GHRHR: variants seen among roughly 807,000 people sequenced by gnomAD.
GHRHR encodes the protein growth hormone-releasing hormone receptor.
A neutral mutation model predicts 58.3 loss-of-function variants in GHRHR; 40 were observed. The observed-to-expected ratio is 0.69, with a 90% CI of 0.53 to 0.89. The LOEUF (loss-of-function observed/expected upper bound fraction) is 0.89. Ranked by LOEUF, GHRHR falls within the 40% of genes least tolerant of loss-of-function variation. GHRHR has a pLI of 0.00. For synonymous variants in GHRHR, 249 were observed against 216.6 expected (o/e 1.15, Z -1.31); for missense variants, 551 against 541.3 (o/e 1.02, Z -0.18).
At chr7:30,974,251 C>G in intron 7 of GHRHR, 113 bp downstream of exon 7, 1 of 1,258,782 alleles carries the variant, frequency 7.9e-7, no homozygotes, top group South Asian at 1.2e-5. Flanking sequence ...AGGAGAGGGA[C>G]AGGCCACAGT....
chr7:30,971,361 AC>A (rs1395680450), intron 5 of GHRHR, 145 bp downstream of exon 5: 1 of 693,212 alleles, frequency 1.4e-6, no homozygotes, highest in African/African-American at 1.8e-5. Flanking sequence ...CCTTTTCCCC[AC>A]CATGTAGACC....
Position 30,968,948 on chromosome 7 carries a change from A to C in GHRHR, c.160+12A>C. On this transcript the variant is annotated intron_variant, in intron 2 of 12. Transcript: ENST00000326139. ...CAACACCACCCTGGGTATGGGGCCTAGGAGGCAGGTGGTGGCTTCTCTGAT... is the reference window on the plus strand; with the variant it reads ...CAACACCACCCTGGGTATGGGGCCTCGGAGGCAGGTGGTGGCTTCTCTGAT... 6.3e-7 allele frequency: 1 copy of C among 1,596,570 alleles called. No homozygotes were observed. Among genetic ancestry groups the C allele is most frequent in the Non-Finnish European group, 8.6e-7 (1 of 1,164,178 alleles).
Position 30,975,853 on chromosome 7 carries a change from C to G in GHRHR, c.959C>G (p.Thr320Ser). 3 of 1,595,240 alleles carry G rather than the reference C, an allele frequency of 1.9e-6. No homozygotes were observed. The highest frequency in any genetic ancestry group is 2.6e-6 in the Non-Finnish European group (3 of 1,162,750). ...KLEPAQGSLH[T>S]QSQYWRLSKS... The stretch of plus-strand genomic sequence containing the variant: ...GAGCCAGCTCAGGGCAGCCTCCATA[C>G]CCAGTCTCAGTATTGGTACTGTGTG... The change falls in exon 10 of 13, where the codon ACC (threonine) becomes AGC (serine). Residue 320 changes from threonine to serine, a missense_variant. Physicochemically the swap from Thr to Ser is moderately conservative, Grantham distance 58 (BLOSUM62 1). Transcript: ENST00000326139.
Position 30,977,306 on chromosome 7 carries a change from G to A in GHRHR, c.1130G>A (p.Cys377Tyr), listed in dbSNP as rs757160765. 8 of 1,614,000 alleles carry A rather than the reference G, an allele frequency of 5.0e-6. No individual in the cohort carries two copies. The highest frequency in any genetic ancestry group is 6.8e-6 in the Non-Finnish European group (8 of 1,179,948). The change falls in exon 12 of 13, where the codon TGC becomes TAC. Residue 377 changes from cysteine (C) to tyrosine (Y), a missense_variant. Transcript: ENST00000326139. ...FQGFIVAILY[C>Y]FLNQEVRTEI... Reference sequence around the variant, plus strand: ...GGCTTCATTGTTGCCATCCTCTACTGCTTCCTCAACCAAGAGGTGTGTGAT... The same window carrying A: ...GGCTTCATTGTTGCCATCCTCTACTACTTCCTCAACCAAGAGGTGTGTGAT...
Position 30,964,084 on chromosome 7 carries a change from TG to T in GHRHR, c.22del (p.Ala8ProfsTer7). 1 of 1,550,580 alleles carries T rather than the reference TG, an allele frequency of 6.4e-7. No individual in the cohort carries two copies. The highest frequency in any genetic ancestry group is 8.7e-7 in the Non-Finnish European group (1 of 1,146,964). Reference protein sequence around the residue: MDRRMWGAHVFCVLSP... With the variant: MDRRMXGAHVFCVLSP... Reference sequence around the variant, plus strand: ...TGGGCTCACCATGGACCGCCGGATGTGGGGGGCCCACGTCTTCTGCGTGTTG... The same window carrying T: ...TGGGCTCACCATGGACCGCCGGATGTGGGGGCCCACGTCTTCTGCGTGTTG... On this transcript the variant is annotated frameshift_variant, in exon 1 of 13. Coordinates refer to ENST00000326139, the MANE Select transcript of GHRHR (RefSeq NM_000823.4). LOFTEE classifies it high-confidence loss of function.
In GHRHR at chr7:30,976,512, G is replaced by T. The variant is rs770409961; in HGVS notation, c.1058G>T (p.Gly353Val). The T allele has an allele frequency of 1.2e-6, 2 of 1,613,510 alleles. No individual in the cohort carries two copies. Among genetic ancestry groups the T allele is most frequent in the African/African-American group, 1.3e-5 (1 of 74,898 alleles). ...TTCAACTTCCTGCCAGACAATGCTGGCCTGGGCATCCGCCTCCCCCTGGAG... is the reference window on the plus strand; with the variant it reads ...TTCAACTTCCTGCCAGACAATGCTGTCCTGGGCATCCGCCTCCCCCTGGAG... ...IIFNFLPDNA[G>V]LGIRLPLELG... Residue 353 changes from glycine to valine, a missense_variant, in exon 11 of 13, where the codon GGC (glycine) becomes GTC (valine). By Grantham distance (109) the Gly-to-Val change is moderately radical. Coordinates refer to ENST00000326139, the MANE Select transcript of GHRHR (RefSeq NM_000823.4).
At chr7:30,969,616 C>T (rs1420159191) in intron 3 of GHRHR, 6 of 610,544 alleles carry the variant, frequency 9.8e-6, no homozygotes, top group Non-Finnish European at 1.7e-5. Flanking sequence ...CAGCTCACCA[C>T]TCCTCACCCC....
intron 1 of GHRHR, among the ~76,000 whole-genome samples, chr7:30,965,525 C>T (rs2128596405): frequency 6.6e-6 from 1 of 152,340 alleles, no homozygotes; most frequent in Non-Finnish European, 1.5e-5. Flanking sequence ...CCCACCACTT[C>T]CCTCCCTAGA....
intron 10 of GHRHR, among the ~76,000 whole-genome samples, chr7:30,976,178 G>T (rs1374098328): frequency 6.6e-6 from 1 of 152,104 alleles, no homozygotes; most frequent in East Asian, 1.9e-4. Flanking sequence ...TGGAGGAAGT[G>T]GTTTTGATCC....
chr7:30,965,283 G>A (rs1418702442), intron 1 of GHRHR, among the ~76,000 whole-genome samples: 1 of 152,180 alleles, frequency 6.6e-6, no homozygotes, highest in African/African-American at 2.4e-5. Context: ...TAGTACCAAA[G>A]CTAGAACTCA....
At chr7:30,975,128 C>T in intron 9 of GHRHR, 88 bp downstream of exon 9, 2 of 914,146 alleles carry the variant, frequency 2.2e-6, no homozygotes, top group South Asian at 2.6e-5. Context: ...AATGCAACTC[C>T]AGGCTGGGTG....
chr7:30,975,224 G>T (rs1423591626), intron 9 of GHRHR, among the ~76,000 whole-genome samples, 184 bp downstream of exon 9: 1 of 152,186 alleles, frequency 6.6e-6, no homozygotes, highest in Non-Finnish European at 1.5e-5. Flanking sequence ...GGTAAAACTA[G>T]AGGGGTGGTG....
In GHRHR at chr7:30,972,058, T is replaced by A; in HGVS notation, c.560T>A (p.Phe187Tyr). 6.2e-7 allele frequency: 1 copy of A among 1,614,062 alleles called. No individual in the cohort carries two copies. Among genetic ancestry groups the A allele is most frequent in the South Asian group, 1.1e-5 (1 of 91,074 alleles). The stretch of plus-strand genomic sequence containing the variant: ...GTGTTCCTGAAGGATGCTGCCCTTT[T>A]CCACAGCGACGACACTGACCACTGC... ...GAVFLKDAAL[F>Y]HSDDTDHCSF... The change falls in exon 6 of 13, where the codon TTC (phenylalanine) becomes TAC (tyrosine). Residue 187 changes from phenylalanine (F) to tyrosine (Y), a missense_variant. By Grantham distance (22) the Phe-to-Tyr change is conservative. Transcript: ENST00000326139.
Position 30,976,986 on chromosome 7 carries a change from C to T in GHRHR, c.1105-295C>T, listed in dbSNP as rs191453584. Among the ~76,000 whole-genome samples the T allele has an allele frequency of 2.7e-4, 41 of 151,228 alleles. 1 individual carries two copies. Among genetic ancestry groups the T allele is most frequent in the African/African-American group, 9.0e-4 (37 of 41,272 alleles). On this transcript the variant is annotated intron_variant, in intron 11 of 12. Coordinates refer to ENST00000326139, the MANE Select transcript of GHRHR (RefSeq NM_000823.4). ...CATCCACCCATCCATCCAATCTATT[C>T]AACTCTTACTGATCCCCTATTATGT...
At chr7:30,974,169 G>GGGA (rs779857563) in intron 7 of GHRHR, 31 bp downstream of exon 7, 1 of 1,608,184 alleles carries the variant, frequency 6.2e-7, no homozygotes, top group Non-Finnish European at 8.5e-7. Context: ...GGGCACCATG[G>GGGA]GGAGGTAAAG....
intron 12 of GHRHR, among the ~76,000 whole-genome samples, chr7:30,978,780 C>A (rs1394063270): frequency 6.6e-6 from 1 of 152,190 alleles, no homozygotes; most frequent in African/African-American, 2.4e-5. Flanking sequence ...AAAATTGAAT[C>A]CCAGAGCAAG....
intron 1 of GHRHR, 114 bp downstream of exon 1, chr7:30,964,239 C>A: frequency 1.1e-6 from 1 of 948,436 alleles, no homozygotes; most frequent in Non-Finnish European, 1.6e-6. Context: ...CTCTAGAGTC[C>A]CTCCCTACGA....
intron 1 of GHRHR, among the ~76,000 whole-genome samples, chr7:30,967,538 T>A (rs545044821): frequency 1.3e-5 from 2 of 152,228 alleles, no homozygotes; most frequent in South Asian, 4.2e-4. Context: ...AAGCCACACA[T>A]CCATCCTTAC....
Position 30,979,124 on chromosome 7 carries a change from G to T in GHRHR, c.1152G>T (p.Arg384Ser). The part of the protein sequence containing the change: ...ILYCFLNQEV[R>S]TEISRKWHGH... Reference sequence around the variant, plus strand: ...CCTCTTCCTTGTCCCTGGAGGTGAGGACTGAGATCTCACGGAAGTGGCATG... The same window carrying T: ...CCTCTTCCTTGTCCCTGGAGGTGAGTACTGAGATCTCACGGAAGTGGCATG... Residue 384 changes from arginine (R) to serine (S), a missense_variant, in exon 13 of 13, where the codon AGG (arginine) becomes AGT (serine). By Grantham distance (110) the Arg-to-Ser change is moderately radical. Coordinates refer to ENST00000326139, the MANE Select transcript of GHRHR (RefSeq NM_000823.4). The T allele has an allele frequency of 6.2e-7, 1 of 1,613,784 alleles. No homozygotes were observed. Among genetic ancestry groups the T allele is most frequent in the Non-Finnish European group, 8.5e-7 (1 of 1,179,718 alleles).
Sources: allele counts gnomAD v4.1 joint callset (sites outside exome capture counted in the v4.1 genomes callset), GRCh38; gene constraint gnomAD v4.1.1; transcripts MANE v1.5; gene names NCBI Gene and HGNC (gene_info 2026-07-23, HGNC 2026-07-21).